The following ADD3 variants were observed in gnomAD, a reference collection of about 807,000 sequenced individuals.
ADD3 encodes adducin 3.
ADD3 carries 25 observed loss-of-function variants against 80.2 expected under a neutral mutation model. That is an observed-to-expected ratio of 0.31 (90% CI 0.23 to 0.44). The LOEUF is 0.44. Among genes scored for constraint, ADD3 ranks in the 20% least tolerant of loss-of-function variants. The pLI is 1.00. For missense variants in ADD3, 829 were observed against 847.5 expected (o/e 0.98, Z 0.27); for synonymous variants, 284 against 289.6 (o/e 0.98, Z 0.20).
chr10:110,018,526 CAAAAAAAA>C (rs59949041), intron 1 of ADD3, among the ~76,000 whole-genome samples: 8,866 of 49,746 alleles, frequency 0.18, 996 homozygotes, highest in African/African-American at 0.41. Context: ...GACTTTGTCT[CAAAAAAAA>C]AAAAAAAAAA....
At chr10:110,090,821 T>C (rs977997996) in intron 1 of ADD3, among the ~76,000 whole-genome samples, 8 of 152,182 alleles carry the variant, frequency 5.3e-5, no homozygotes, top group African/African-American at 1.9e-4. Context: ...TGTTACTATT[T>C]TATTTTATTT....
At chr10:110,041,649 T>C (rs1389051785) in intron 1 of ADD3, among the ~76,000 whole-genome samples, 2 of 152,216 alleles carry the variant, frequency 1.3e-5, no homozygotes, top group Non-Finnish European at 2.9e-5. Context: ...TCCACTGCTC[T>C]GGTTCTCTGT....
At chr10:110,096,446 A>G (rs558053253) in intron 1 of ADD3, among the ~76,000 whole-genome samples, 8 of 152,334 alleles carry the variant, frequency 5.3e-5, no homozygotes, top group African/African-American at 9.6e-5. Flanking sequence ...CACTTTAGTT[A>G]TCTGTTGCTG....
chr10:110,048,950 C>T (rs779037947), intron 1 of ADD3, among the ~76,000 whole-genome samples: 37 of 152,276 alleles, frequency 2.4e-4, no homozygotes, highest in Admixed American at 3.9e-4. Flanking sequence ...TGTGCCAGCC[C>T]CTCCCATCAC....
intron 3 of ADD3, among the ~76,000 whole-genome samples, chr10:110,113,425 G>A (rs924388017): frequency 6.6e-5 from 10 of 151,940 alleles, no homozygotes; most frequent in East Asian, 1.9e-4. Flanking sequence ...GCGCCACCAC[G>A]CCTGGCTAAT....
intron 2 of ADD3, among the ~76,000 whole-genome samples, chr10:110,110,356 A>G (rs551405726): frequency 1.3e-5 from 2 of 152,318 alleles, no homozygotes; most frequent in African/African-American, 2.4e-5. Context: ...GAGTCTGTTC[A>G]GTCCACCACT....
At chr10:110,062,976 C>G (rs892195610) in intron 1 of ADD3, among the ~76,000 whole-genome samples, 1 of 152,146 alleles carries the variant, frequency 6.6e-6, no homozygotes, top group African/African-American at 2.4e-5. Flanking sequence ...GATTATCTCT[C>G]CCCAGCAGAA....
At chr10:110,006,239 T>C (rs1851623821), upstream of ADD3, 1 of 152,810 alleles carries the variant, frequency 6.5e-6, no homozygotes, top group Non-Finnish European at 1.5e-5. Context: ...ATGCTTAAAA[T>C]GGATTATGTT....
At chr10:110,079,637 C>T (rs1273575640) in intron 1 of ADD3, among the ~76,000 whole-genome samples, 2 of 151,920 alleles carry the variant, frequency 1.3e-5, no homozygotes, top group African/African-American at 2.4e-5. Context: ...CTCACTGCAA[C>T]CTCTGCCTTC....
chr10:110,065,191 G>A (rs1484891274), intron 1 of ADD3, among the ~76,000 whole-genome samples: 5 of 152,074 alleles, frequency 3.3e-5, no homozygotes, highest in Non-Finnish European at 1.5e-5. Context: ...GTGAGACAGT[G>A]TTTTATTTTA....
intron 12 of ADD3, among the ~76,000 whole-genome samples, chr10:110,129,574 A>G (rs540119154): frequency 1.8e-4 from 28 of 152,048 alleles, no homozygotes; most frequent in African/African-American, 6.0e-4. Flanking sequence ...ATGTTCCTCT[A>G]TTTTCACCTT....
intron 1 of ADD3, among the ~76,000 whole-genome samples, chr10:109,999,662 T>C (rs1261735426): frequency 1.3e-5 from 2 of 152,232 alleles, no homozygotes; most frequent in East Asian, 1.9e-4. Flanking sequence ...ACTTCAAGCA[T>C]AGTGCTTGGC....
chr10:110,050,611 CAA>C (rs1857412102), intron 1 of ADD3, among the ~76,000 whole-genome samples: 1 of 150,420 alleles, frequency 6.6e-6, no homozygotes, highest in South Asian at 2.1e-4. Flanking sequence ...CTCCTGGGTT[CAA>C]GCGATTCTCC....
chr10:110,127,733 C>G (rs965779364), intron 12 of ADD3, among the ~76,000 whole-genome samples: 1 of 152,208 alleles, frequency 6.6e-6, no homozygotes. Context: ...ATTGGTTGCT[C>G]TCAGGCCAGC....
At chr10:110,033,240 AG>A (rs1855262428) in intron 1 of ADD3, among the ~76,000 whole-genome samples, 1 of 152,224 alleles carries the variant, frequency 6.6e-6, no homozygotes, top group South Asian at 2.1e-4. Context: ...CTTCTGACCA[AG>A]TTAGTGAAGG....
chr10:110,117,573 G>A (rs188635529), intron 5 of ADD3, 151 bp downstream of exon 5: 164 of 573,408 alleles, frequency 2.9e-4, no homozygotes, highest in African/African-American at 2.8e-3. Context: ...TGTTGTTTTA[G>A]GGAAAAGCTT....
chr10:110,035,880 G>A (rs1035197739), intron 1 of ADD3, among the ~76,000 whole-genome samples: 3 of 152,108 alleles, frequency 2.0e-5, no homozygotes, highest in East Asian at 1.9e-4. Flanking sequence ...TGCCAGGCGC[G>A]GTGGCTCATG....
At chr10:110,042,802 G>A (rs974824545) in intron 1 of ADD3, among the ~76,000 whole-genome samples, 9 of 150,478 alleles carry the variant, frequency 6.0e-5, no homozygotes, top group Non-Finnish European at 7.4e-5. Context: ...GTTATTTCAT[G>A]AGAAAGTTTA....
At chr10:110,100,242 C>G (rs966445767) in intron 1 of ADD3, among the ~76,000 whole-genome samples, 3 of 149,068 alleles carry the variant, frequency 2.0e-5, no homozygotes, top group African/African-American at 7.5e-5. Context: ...CCCAACTACT[C>G]GGGAGGCTGA....
Sources: allele counts gnomAD v4.1 joint callset (sites outside exome capture counted in the v4.1 genomes callset), GRCh38; gene constraint gnomAD v4.1.1; transcripts MANE v1.5; gene names NCBI Gene and HGNC (gene_info 2026-07-23, HGNC 2026-07-21).